The following PRCP variants were observed in gnomAD, a reference collection of about 807,000 sequenced individuals.
PRCP encodes lysosomal Pro-X carboxypeptidase.
In PRCP, 46 loss-of-function variants were observed where a neutral mutation model predicts 54.2. The ratio of observed to expected loss-of-function variants is 0.85; its 90% CI spans 0.67 to 1.09. The LOEUF is 1.09. PRCP is among the 50% of genes least tolerant of loss of function. The probability of loss-of-function intolerance (pLI) is 0.00; values close to 1 mark genes in which losing one functional copy is unlikely to be tolerated. For synonymous variants in PRCP, 240 were observed against 212.2 expected, an observed-to-expected ratio of 1.13 and a Z score of -1.14; for missense variants, 613 against 596.8, an observed-to-expected ratio of 1.03 and a Z score of -0.28.
At chr11:82,845,510 C>G (rs1200997946) in intron 6 of PRCP, 1 of 152,192 alleles carries the variant, frequency 6.6e-6, no homozygotes, top group African/African-American at 2.4e-5. Flanking sequence ...TTCAATACCC[C>G]TCTCACACTC....
chr11:82,835,679 A>C, intron 8 of PRCP: 1 of 309,636 alleles, frequency 3.2e-6, no homozygotes, highest in Middle Eastern at 1.2e-3. Flanking sequence ...CGACGGTAGG[A>C]AAAAAGACAT....
chr11:82,847,230 T>C (rs1858828878), intron 6 of PRCP, among the ~76,000 whole-genome samples: 2 of 152,224 alleles, frequency 1.3e-5, no homozygotes, highest in African/African-American at 4.8e-5. Flanking sequence ...TCTCACCTTG[T>C]ACACAGATAG....
intron 2 of PRCP, among the ~76,000 whole-genome samples, chr11:82,854,026 T>C (rs771034336): frequency 4.5e-4 from 69 of 152,210 alleles, no homozygotes; most frequent in Non-Finnish European, 9.3e-4. Context: ...AAGCCATCTA[T>C]GACAAACCCA....
intron 1 of PRCP, among the ~76,000 whole-genome samples, chr11:82,896,078 G>C (rs987164237): frequency 1.3e-5 from 2 of 152,314 alleles, no homozygotes; most frequent in East Asian, 3.9e-4. Context: ...ATTTGGATGA[G>C]AGTGTATTTT....
Position 82,900,337 on chromosome 11 carries a change from G to T in PRCP, c.66C>A (p.Leu22=). 1 of 1,614,170 alleles carries T rather than the reference G, an allele frequency of 6.2e-7. No homozygotes were observed. Among genetic ancestry groups the T allele is most frequent in the Non-Finnish European group, 8.5e-7 (1 of 1,179,998 alleles). ...SFLAPWATIA[L]RPALRALGSL... is the part of the protein sequence containing the mutation. Reference sequence around the variant, plus strand: ...TGCCGAGGGCCCTTAAGGCCGGCCGGAGGGCTATGGTGGCCCAGGGCGCCA... The same window carrying T: ...TGCCGAGGGCCCTTAAGGCCGGCCGTAGGGCTATGGTGGCCCAGGGCGCCA... Residue 22 remains leucine, a synonymous_variant, in exon 1 of 9, where the codon CTC becomes CTA. Transcript: ENST00000313010.
At chr11:82,852,514 A>T (rs1858981458) in intron 3 of PRCP, among the ~76,000 whole-genome samples, 1 of 152,232 alleles carries the variant, frequency 6.6e-6, no homozygotes, top group African/African-American at 2.4e-5. Context: ...TGGTTAAGAT[A>T]ATGCTAAGTT....
At chr11:82,878,880 T>G (rs1048613216) in intron 1 of PRCP, among the ~76,000 whole-genome samples, 1 of 152,242 alleles carries the variant, frequency 6.6e-6, no homozygotes, top group Non-Finnish European at 1.5e-5. Context: ...CCCACTCTTG[T>G]AGAGTTTCTG....
chr11:82,863,694 T>C (rs953291283), intron 1 of PRCP, among the ~76,000 whole-genome samples: 9 of 152,244 alleles, frequency 5.9e-5, no homozygotes, highest in African/African-American at 2.2e-4. Flanking sequence ...TGTTTGTATA[T>C]GTCATGCTAA....
chr11:82,845,508 C>T (rs909605390), intron 6 of PRCP: 1 of 152,022 alleles, frequency 6.6e-6, no homozygotes, highest in Non-Finnish European at 1.5e-5. Context: ...GCTTCAATAC[C>T]CCTCTCACAC....
intron 4 of PRCP, 116 bp downstream of exon 4, chr11:82,850,208 G>GAC: frequency 9.3e-7 from 1 of 1,080,894 alleles, no homozygotes; most frequent in Non-Finnish European, 1.2e-6. Flanking sequence ...CTGTTAATGA[G>GAC]ACAGAAGCCA....
intron 1 of PRCP, among the ~76,000 whole-genome samples, chr11:82,893,802 A>T (rs1158439059): frequency 6.6e-6 from 1 of 152,122 alleles, no homozygotes; most frequent in Non-Finnish European, 1.5e-5. Context: ...AAAAATAAAC[A>T]AACAAAAAGG....
chr11:82,866,593 A>G (rs759414339), intron 1 of PRCP, among the ~76,000 whole-genome samples: 9 of 152,212 alleles, frequency 5.9e-5, no homozygotes, highest in African/African-American at 2.2e-4. Context: ...CAAATAAGTG[A>G]TAATGGGAGA....
chr11:82,838,775 G>A (rs144928802), intron 7 of PRCP, among the ~76,000 whole-genome samples: 147 of 152,264 alleles, frequency 9.7e-4, no homozygotes, highest in African/African-American at 3.4e-3. Flanking sequence ...AGTCACGGAA[G>A]TCAGGATTAT....
intron 1 of PRCP, among the ~76,000 whole-genome samples, chr11:82,883,981 A>T (rs770854732): frequency 2.6e-5 from 4 of 152,190 alleles, no homozygotes; most frequent in Non-Finnish European, 5.9e-5. Flanking sequence ...CTGCTTTCCA[A>T]AATTGTTGTA....
At chr11:82,831,098 G>T (rs185079436) in intron 8 of PRCP, 4 of 149,016 alleles carry the variant, frequency 2.7e-5, no homozygotes, top group Non-Finnish European at 5.9e-5. Context: ...GGATCTAGAT[G>T]CCTGGGTAAA....
At chr11:82,856,904 C>T (rs1859100344) in intron 2 of PRCP, among the ~76,000 whole-genome samples, 1 of 151,838 alleles carries the variant, frequency 6.6e-6, no homozygotes, top group Admixed American at 6.6e-5. Flanking sequence ...GGCGTGGTGG[C>T]AGGCGCCTGT....
intron 1 of PRCP, among the ~76,000 whole-genome samples, chr11:82,890,953 A>G (rs2121272305): frequency 6.6e-6 from 1 of 152,332 alleles, no homozygotes; most frequent in South Asian, 2.1e-4. Flanking sequence ...CAGTGTTGAG[A>G]AGATCATCTT....
chr11:82,841,259 C>T (rs1167657217), intron 6 of PRCP, among the ~76,000 whole-genome samples: 1 of 147,246 alleles, frequency 6.8e-6, no homozygotes, highest in Non-Finnish European at 1.5e-5. Flanking sequence ...GCACCAGCTG[C>T]CAGCGGGGGA....
chr11:82,849,316 T>C lies in PRCP; in HGVS notation c.752-98A>G, dbSNP rs371189575. The stretch of plus-strand genomic sequence containing the variant: ...TCACATAGTATTTTAGAAAACTCAA[T>C]CTTTTATACCCCTTCTCCCAGGATA... On this transcript the variant is annotated intron_variant, in intron 5 of 8. Transcript: ENST00000313010. 3.8e-5 allele frequency: 49 copies of C among 1,299,592 alleles called. No homozygotes were observed. In the South Asian group the frequency reaches 5.9e-4, roughly 16 times the overall value. The allele number at this position is 1,299,592 out of a possible 1,614,324, so 80.5% of individuals were successfully genotyped here. A position where few individuals can be genotyped will look rare whatever the true frequency, so the allele number is the denominator to read the frequency against.
Sources: allele counts gnomAD v4.1 joint callset (sites outside exome capture counted in the v4.1 genomes callset), GRCh38; gene constraint gnomAD v4.1.1; transcripts MANE v1.5; gene names NCBI Gene and HGNC (gene_info 2026-07-23, HGNC 2026-07-21).